The following CDH7 variants were observed in gnomAD, a reference collection of about 807,000 sequenced individuals.
The protein encoded by CDH7 is cadherin 7, also known as cadherin-7.
In CDH7, 25 loss-of-function variants were observed where a neutral mutation model predicts 71.8. That is an observed-to-expected ratio of 0.35 (90% CI 0.25 to 0.49). CDH7 has a LOEUF of 0.49. Among genes scored for constraint, CDH7 ranks in the 20% least tolerant of loss-of-function variants. CDH7 has a pLI of 0.99. For synonymous variants in CDH7, 381 were observed against 363.8 expected (o/e 1.05, Z -0.54); for missense variants, 862 against 974.6 (o/e 0.88, Z 1.54).
chr18:65,844,117 G>A lies in CDH7; in HGVS notation c.1235+52G>A, dbSNP rs779015023. ...ATGGTTTTACAAACAATGCATTCTTGTTCACAACTCTTATTTTACGCTCTG... is the reference window on the plus strand; with the variant it reads ...ATGGTTTTACAAACAATGCATTCTTATTCACAACTCTTATTTTACGCTCTG... On this transcript the variant is annotated intron_variant, in intron 7 of 11. Transcript: ENST00000397968. 4 of 1,507,358 alleles carry A rather than the reference G, an allele frequency of 2.7e-6. No homozygotes were observed. The African/African-American group carries it at 4.4e-5, about 17-fold the overall frequency. 93.4% of individuals were successfully genotyped at this position (1,507,358 alleles called of 1,614,324 possible).
At position 65,886,042 on chromosome 18, in the gene CDH7, C is replaced by T. The variant is rs899488229; in HGVS notation, c.*5148C>T. The T allele has an allele frequency of 6.6e-6, 1 of 152,084 alleles. No individual in the cohort carries two copies. Among genetic ancestry groups the T allele is most frequent in the African/African-American group, 2.4e-5 (1 of 41,408 alleles). The allele number at this position is 152,084 out of a possible 1,614,324, so 9.4% of individuals were successfully genotyped here. ...TGGTATACCAGAAATTACCTCTGGTCTGTGGTTATAAAATCTAGGTCAGAA... is the reference window on the plus strand; with the variant it reads ...TGGTATACCAGAAATTACCTCTGGTTTGTGGTTATAAAATCTAGGTCAGAA... On this transcript the variant is annotated 3_prime_UTR_variant, in exon 12 of 12. Coordinates refer to ENST00000397968, the MANE Select transcript of CDH7 (RefSeq NM_004361.5).
intron 2 of CDH7, among the ~76,000 whole-genome samples, chr18:65,791,480 T>A (rs1910710860): frequency 6.6e-6 from 1 of 152,194 alleles, no homozygotes; most frequent in African/African-American, 2.4e-5. Context: ...CACTAGTTCA[T>A]TTGTACATAT....
chr18:65,887,794 C>T lies in CDH7; in HGVS notation c.*6900C>T, dbSNP rs1044429816. 6.6e-6 allele frequency: 1 copy of T among 152,024 alleles called. No individual in the cohort carries two copies. The highest frequency in any genetic ancestry group is 1.5e-5 in the Non-Finnish European group (1 of 67,988). 9.4% of individuals were successfully genotyped at this position (152,024 alleles called of 1,614,324 possible). ...AGAATTGCACATTTGTAAAGTTTCT[C>T]TTTAGTAGAGATTTCAGAATTTTTT... On this transcript the variant is annotated 3_prime_UTR_variant, in exon 12 of 12. Transcript: ENST00000397968.
At chr18:65,759,411 A>C (rs958003630) in intron 1 of CDH7, among the ~76,000 whole-genome samples, 1 of 141,350 alleles carries the variant, frequency 7.1e-6, no homozygotes, top group Non-Finnish European at 1.6e-5. Context: ...TGCCCGGCTA[A>C]TTTTTTTTTT....
At chr18:65,832,504 A>C (rs1912386656) in intron 6 of CDH7, among the ~76,000 whole-genome samples, 1 of 152,180 alleles carries the variant, frequency 6.6e-6, no homozygotes, top group African/African-American at 2.4e-5. Context: ...ATAATGGCAT[A>C]GAGTTTTTAT....
intron 2 of CDH7, among the ~76,000 whole-genome samples, chr18:65,787,752 G>A (rs538662082): frequency 6.6e-6 from 1 of 152,270 alleles, no homozygotes; most frequent in East Asian, 1.9e-4. Context: ...TCAGCACCTA[G>A]CAGATGATCT....
intron 10 of CDH7, 80 bp downstream of exon 10, chr18:65,859,905 A>C (rs1244702808): frequency 9.5e-6 from 8 of 839,500 alleles, no homozygotes; most frequent in South Asian, 1.4e-5. Context: ...AGGAATGCTG[A>C]TTATGGATTT....
chr18:65,801,908 C>T (rs1360703516), intron 2 of CDH7, among the ~76,000 whole-genome samples: 1 of 152,194 alleles, frequency 6.6e-6, no homozygotes, highest in East Asian at 1.9e-4. Context: ...GTGCAGACAA[C>T]TCCAAGAAAT....
chr18:65,796,461 G>T (rs1371104085), intron 2 of CDH7, among the ~76,000 whole-genome samples: 1 of 152,128 alleles, frequency 6.6e-6, no homozygotes, highest in Non-Finnish European at 1.5e-5. Context: ...AGTCTCCCAT[G>T]CCTTGTGCAG....
chr18:65,850,785 G>A (rs1312516091), intron 7 of CDH7, among the ~76,000 whole-genome samples: 8 of 151,230 alleles, frequency 5.3e-5, no homozygotes, highest in African/African-American at 1.9e-4. Context: ...CTATCATTAA[G>A]CTCAGAAATC....
rs925543223 is a variant in CDH7, at chr18:65,884,671, G to A, written c.*3777G>A. The A allele has an allele frequency of 6.7e-6, 1 of 148,790 alleles. No homozygotes were observed. Among genetic ancestry groups the A allele is most frequent in the Non-Finnish European group, 1.5e-5 (1 of 67,008 alleles). 9.2% of individuals were successfully genotyped at this position (148,790 alleles called of 1,614,324 possible). On this transcript the variant is annotated 3_prime_UTR_variant, in exon 12 of 12. Transcript: ENST00000397968. ...AATGCAAATGCAAATAGTGTTGTTA[G>A]CATTTATATTGAAATATAAAATCTA...
intron 1 of CDH7, among the ~76,000 whole-genome samples, chr18:65,752,882 C>T (rs775972497): frequency 1.3e-5 from 2 of 152,198 alleles, no homozygotes; most frequent in Non-Finnish European, 2.9e-5. Flanking sequence ...TGTGCACTTA[C>T]AACGTGAGAT....
intron 2 of CDH7, among the ~76,000 whole-genome samples, chr18:65,780,046 G>T (rs1254649836): frequency 9.1e-6 from 1 of 109,848 alleles, no homozygotes; most frequent in Non-Finnish European, 1.7e-5. Context: ...GCATCTCTCT[G>T]ATGGCCAGTG....
At chr18:65,831,679 A>T (rs970030408) in intron 6 of CDH7, among the ~76,000 whole-genome samples, 5 of 152,112 alleles carry the variant, frequency 3.3e-5, no homozygotes, top group Non-Finnish European at 5.9e-5. Flanking sequence ...AGCAACAGGA[A>T]TCTGCAGAAC....
chr18:65,871,635 A>T (rs901998877), intron 11 of CDH7, among the ~76,000 whole-genome samples: 1 of 152,170 alleles, frequency 6.6e-6, no homozygotes, highest in African/African-American at 2.4e-5. Flanking sequence ...GTATTTTCCT[A>T]CTTGAGAAAA....
intron 6 of CDH7, among the ~76,000 whole-genome samples, chr18:65,829,773 G>GTA (rs1274691256): frequency 2.0e-4 from 20 of 98,158 alleles, no homozygotes; most frequent in African/African-American, 7.6e-4. Context: ...TTCAAGGAAG[G>GTA]GAGTGTGTGT....
chr18:65,774,599 G>T (rs1360963900), intron 2 of CDH7, among the ~76,000 whole-genome samples: 2 of 151,846 alleles, frequency 1.3e-5, no homozygotes, highest in African/African-American at 4.9e-5. Context: ...TGAATCTGTT[G>T]TACCTGAGTC....
At chr18:65,839,515 T>A (rs575010979) in intron 6 of CDH7, among the ~76,000 whole-genome samples, 1 of 152,274 alleles carries the variant, frequency 6.6e-6, no homozygotes, top group Non-Finnish European at 1.5e-5. Context: ...TTTGAACATA[T>A]GAATTTTTGT....
At chr18:65,802,116 G>A (rs1911144646) in intron 2 of CDH7, among the ~76,000 whole-genome samples, 2 of 152,128 alleles carry the variant, frequency 1.3e-5, no homozygotes, top group Admixed American at 6.6e-5. Flanking sequence ...TTGCCTAGAA[G>A]CATTCAAAAG....
Sources: allele counts gnomAD v4.1 joint callset (sites outside exome capture counted in the v4.1 genomes callset), GRCh38; gene constraint gnomAD v4.1.1; transcripts MANE v1.5; gene names NCBI Gene and HGNC (gene_info 2026-07-23, HGNC 2026-07-21).